The following COL4A4 variants were observed in gnomAD, a reference collection of about 807,000 sequenced individuals.
COL4A4 encodes the protein collagen alpha-4(IV) chain.
COL4A4 carries 105 observed loss-of-function variants against 192.9 expected under a neutral mutation model. That is an observed-to-expected ratio of 0.54 (90% CI 0.46 to 0.64). COL4A4 has a LOEUF of 0.64. Ranked by LOEUF, COL4A4 falls within the 30% of genes least tolerant of loss-of-function variation. The pLI, the probability that COL4A4 is intolerant of heterozygous loss-of-function variation, is 0.00. For synonymous variants in COL4A4, 762 were observed against 769.9 expected, an observed-to-expected ratio of 0.99 and a Z score of 0.17; for missense variants, 1,967 against 2,169.3, an observed-to-expected ratio of 0.91 and a Z score of 1.85.
At chr2:227,019,390 G>A (rs574900936) in intron 44 of COL4A4, among the ~76,000 whole-genome samples, 6 of 152,256 alleles carry the variant, frequency 3.9e-5, no homozygotes, top group Admixed American at 2.6e-4. Flanking sequence ...GGTCTGGGGC[G>A]GGACCAAAGT....
At chr2:227,100,844 G>A (rs191686143) in intron 17 of COL4A4, among the ~76,000 whole-genome samples, 1 of 148,408 alleles carries the variant, frequency 6.7e-6, no homozygotes, top group Non-Finnish European at 1.5e-5. Flanking sequence ...TCACTCTGTT[G>A]CCCAGGATGG....
At chr2:227,159,335 T>G (rs890711965) in intron 1 of COL4A4, among the ~76,000 whole-genome samples, 3 of 152,150 alleles carry the variant, frequency 2.0e-5, no homozygotes, top group Non-Finnish European at 4.4e-5. Context: ...GAGGGATGGA[T>G]AGCAAAGAGG....
At chr2:227,133,368 T>C (rs947898244) in intron 4 of COL4A4, among the ~76,000 whole-genome samples, 20 of 152,340 alleles carry the variant, frequency 1.3e-4, no homozygotes, top group Middle Eastern at 3.4e-3. Flanking sequence ...TACAGTGTAG[T>C]AGGCAGATAA....
rs923865420 is a variant in COL4A4 at position 227,108,581 on chromosome 2, C to T, written c.735G>A (p.Pro245=). Residue 245 remains proline (P), a splice_region_variant and synonymous_variant, in exon 12 of 48, where the codon CCG becomes CCA. Transcript: ENST00000396625. ...GVGVKGQMGD[P]GEVGQQGSPG... ...CCTCAGAGCAAGAGGGAATTCTTAC[C>T]GGGTCTCCCATTTGCCCCTTTACTC... 8 of 1,613,644 alleles carry T rather than the reference C, an allele frequency of 5.0e-6. No individual in the cohort carries two copies. Among genetic ancestry groups the T allele is most frequent in the East Asian group, 4.5e-5 (2 of 44,890 alleles).
intron 12 of COL4A4, among the ~76,000 whole-genome samples, chr2:227,107,287 C>T (rs957747366): frequency 3.3e-5 from 5 of 152,156 alleles, no homozygotes; most frequent in Admixed American, 3.3e-4. Context: ...CTACTGACAT[C>T]TAGTGGGGAG....
intron 22 of COL4A4, among the ~76,000 whole-genome samples, chr2:227,087,548 C>T (rs1559587552): frequency 6.6e-6 from 1 of 152,162 alleles, no homozygotes; most frequent in Non-Finnish European, 1.5e-5. Context: ...AAACTAACAG[C>T]CAACATGTTG....
Position 227,033,390 on chromosome 2 carries a change from C to T in COL4A4, c.3577+20G>A, listed in dbSNP as rs1442976357. On this transcript the variant is annotated intron_variant, in intron 38 of 47. Transcript: ENST00000396625. The stretch of plus-strand genomic sequence containing the variant: ...CCATGGACTGAAGCTCAGTCTGTTA[C>T]GAATCGATTAGGTGCTTACCTGAAG... 6.3e-6 allele frequency: 10 copies of T among 1,597,626 alleles called. No individual in the cohort carries two copies. Among genetic ancestry groups the T allele is most frequent in the Non-Finnish European group, 5.1e-6 (6 of 1,166,228 alleles).
intron 12 of COL4A4, among the ~76,000 whole-genome samples, chr2:227,108,316 T>C (rs2060979545): frequency 6.6e-6 from 1 of 152,200 alleles, no homozygotes; most frequent in South Asian, 2.1e-4. Flanking sequence ...CTGGACATAA[T>C]ATATTGTCAA....
intron 1 of COL4A4, among the ~76,000 whole-genome samples, chr2:227,158,579 C>T (rs955716074): frequency 3.2e-4 from 48 of 151,996 alleles, no homozygotes; most frequent in Admixed American, 9.8e-4. Flanking sequence ...TTGTATCTAA[C>T]ATTGATCTTG....
At chr2:227,045,819 C>G (rs1473980348) in intron 35 of COL4A4, among the ~76,000 whole-genome samples, 3 of 34,268 alleles carry the variant, frequency 8.8e-5, no homozygotes, top group South Asian at 1.4e-3. Flanking sequence ...TATATATACA[C>G]ATATATATAT....
Position 227,117,646 on chromosome 2 carries a change from T to TAA in COL4A4, c.489+997_489+998dup, listed in dbSNP as rs35388222. ...ATTTTATTAAGGAAGGGAGAAATGC[T>TAA]AAAAAAAAAAAAATCACAGAAAAAC... On this transcript the variant is annotated intron_variant, in intron 7 of 47. Transcript: ENST00000396625. 2.0e-3 allele frequency among the ~76,000 whole-genome samples: 277 copies of TAA among 136,914 alleles called. 1 individual carries two copies. The highest frequency in any genetic ancestry group is 3.8e-3 in the Middle Eastern group (1 of 260). 89.8% of individuals were successfully genotyped at this position (136,914 alleles called of 152,430 possible). A position where few individuals can be genotyped will look rare whatever the true frequency, so the allele number is the denominator to read the frequency against.
chr2:227,146,729 A>G, intron 2 of COL4A4, among the ~76,000 whole-genome samples: 1 of 152,132 alleles, frequency 6.6e-6, no homozygotes, highest in Non-Finnish European at 1.5e-5. Flanking sequence ...GGCTGCCCAC[A>G]TTCCTTGGCT....
rs2063497665 is a variant in COL4A4, at chr2:227,145,577, CA to C, written c.72-1020del. Among the ~76,000 whole-genome samples, 4 of 152,288 alleles carry C rather than the reference CA, an allele frequency of 2.6e-5. No homozygotes were observed. The South Asian group carries it at 8.3e-4, about 32-fold the overall frequency. On this transcript the variant is annotated intron_variant, in intron 2 of 47. Coordinates refer to ENST00000396625, the MANE Select transcript of COL4A4 (RefSeq NM_000092.5). The stretch of plus-strand genomic sequence containing the variant: ...CTGTGGTTAGAACTTCGGGTCACAC[CA>C]TTCCAAAGGATGGTAGGAGAACTGG...
At chr2:227,045,050 C>G (rs947708690) in intron 35 of COL4A4, among the ~76,000 whole-genome samples, 8 of 152,006 alleles carry the variant, frequency 5.3e-5, no homozygotes, top group African/African-American at 1.9e-4. Context: ...CATCACAGGC[C>G]CCCATTTTGG....
chr2:227,105,916 C>T (rs2150833354), intron 12 of COL4A4, among the ~76,000 whole-genome samples: 1 of 152,092 alleles, frequency 6.6e-6, no homozygotes, highest in Middle Eastern at 3.4e-3. Flanking sequence ...ACTATTCTTC[C>T]ATTGAATAGA....
At chr2:227,048,362 C>G (rs76836193) in intron 34 of COL4A4, among the ~76,000 whole-genome samples, 1,736 of 152,206 alleles carry the variant, frequency 0.011, 31 homozygotes, top group African/African-American at 0.04. Context: ...CATTCCAGGT[C>G]AAACAAGTCT....
At chr2:226,995,683 G>T in the COL4A4 span, 1 of 619,120 alleles carries the variant, frequency 1.6e-6, no homozygotes, top group East Asian at 2.8e-5. Flanking sequence ...TGGCCCCTAT[G>T]AGTCAACTCA....
Position 227,089,600 on chromosome 2 carries a change from TATATATATAC to T in COL4A4, c.1459+258_1459+267del, listed in dbSNP as rs1026050699. Among the ~76,000 whole-genome samples the T allele has an allele frequency of 2.9e-4, 40 of 137,504 alleles. 5 individuals are homozygous for T. The South Asian group carries it at 5.1e-3, about 18-fold the overall frequency. The allele number at this position is 137,504 out of a possible 152,430, so 90.2% of individuals were successfully genotyped here. A position where few individuals can be genotyped will look rare whatever the true frequency, so the allele number is the denominator to read the frequency against. On this transcript the variant is annotated intron_variant, in intron 21 of 47. Coordinates refer to ENST00000396625, the MANE Select transcript of COL4A4 (RefSeq NM_000092.5). ...CAGGCAAATGTTCCATATATATATA[TATATATATAC>T]ATACATATATATAAATATATAAGAC...
intron 44 of COL4A4, among the ~76,000 whole-genome samples, chr2:227,015,037 T>C (rs1964586299): frequency 6.6e-6 from 1 of 151,938 alleles, no homozygotes; most frequent in Non-Finnish European, 1.5e-5. Flanking sequence ...TAGCTGGGAC[T>C]ACAGGTGCAC....
Sources: allele counts gnomAD v4.1 joint callset (sites outside exome capture counted in the v4.1 genomes callset), GRCh38; gene constraint gnomAD v4.1.1; transcripts MANE v1.5; gene names NCBI Gene and HGNC (gene_info 2026-07-23, HGNC 2026-07-21).